CASK: variants seen among roughly 807,000 people sequenced by gnomAD.
CASK encodes calcium/calmodulin dependent serine protein kinase.
Under a neutral mutation model 82.9 loss-of-function variants are expected in CASK, and 4 were observed. That is an observed-to-expected ratio of 0.05 (90% CI 0.02 to 0.11). The LOEUF is 0.11. Among genes scored for constraint, CASK ranks in the 10% least tolerant of loss-of-function variants. The pLI is 1.00. For missense variants in CASK, 358 were observed against 720.9 expected (o/e 0.50, Z 5.76); for synonymous variants, 259 against 253.5 (o/e 1.02, Z -0.20).
chrX:41,805,873 C>T (rs758054058), intron 2 of CASK, among the ~76,000 whole-genome samples: 2 of 111,014 alleles, frequency 1.8e-5, no homozygotes, highest in African/African-American at 6.6e-5. Context: ...ACGGAGTGCC[C>T]CTAAGAGCCA....
At chrX:41,680,354 C>G (rs1461128527) in intron 5 of CASK, among the ~76,000 whole-genome samples, 1 of 109,546 alleles carries the variant, frequency 9.1e-6, no homozygotes, top group Non-Finnish European at 1.9e-5. Flanking sequence ...TGGTGGCATG[C>G]GCCTATAGTC....
intron 5 of CASK, among the ~76,000 whole-genome samples, chrX:41,711,312 T>C (rs1161601699): frequency 1.8e-5 from 2 of 112,376 alleles, no homozygotes; most frequent in African/African-American, 3.2e-5. Flanking sequence ...CCCACACATT[T>C]GGTCACAGAA....
chrX:41,854,078 A>G (rs1056065456), intron 1 of CASK, among the ~76,000 whole-genome samples: 3 of 112,018 alleles, frequency 2.7e-5, no homozygotes, highest in African/African-American at 9.8e-5. Flanking sequence ...ATTGTTTGAA[A>G]TTACTAGAGG....
intron 2 of CASK, among the ~76,000 whole-genome samples, chrX:41,838,950 T>C (rs925205032): frequency 9.0e-6 from 1 of 111,410 alleles, no homozygotes; most frequent in Non-Finnish European, 1.9e-5. Context: ...TCTCAAAAAC[T>C]ATTTGGCTGT....
At chrX:41,578,193 G>A (rs980141460) in intron 15 of CASK, 147 bp downstream of exon 15, 1 of 444,215 alleles carries the variant, frequency 2.3e-6, no homozygotes, top group Non-Finnish European at 3.9e-6. Flanking sequence ...AAGGGCAGGG[G>A]GGAACTGAAG....
chrX:41,616,158 G>A (rs556907854), intron 11 of CASK, among the ~76,000 whole-genome samples: 1 of 111,530 alleles, frequency 9.0e-6, no homozygotes, highest in Non-Finnish European at 1.9e-5. Context: ...TTACTTATGT[G>A]CGTGCTTGTT....
chrX:41,591,482 GT>G (rs373604467), intron 12 of CASK, among the ~76,000 whole-genome samples: 3,383 of 103,854 alleles, frequency 0.033, 75 homozygotes, highest in Admixed American at 0.085. Flanking sequence ...TGTGCACTTT[GT>G]TTTTTTTTTG....
At chrX:41,821,600 A>G (rs2070542764) in intron 2 of CASK, among the ~76,000 whole-genome samples, 1 of 112,547 alleles carries the variant, frequency 8.9e-6, no homozygotes, top group South Asian at 3.7e-4. Flanking sequence ...TCAAACATTC[A>G]AAGCGGCTTT....
At chrX:41,676,544 C>A in intron 5 of CASK, 1 of 1,051,580 alleles carries the variant, frequency 9.5e-7, no homozygotes, top group Non-Finnish European at 1.3e-6. Context: ...CGCGGCCTCG[C>A]CTGGGTCTAC....
chrX:41,870,984 G>A (rs769831776), intron 1 of CASK, among the ~76,000 whole-genome samples: 2 of 112,295 alleles, frequency 1.8e-5, no homozygotes, highest in Non-Finnish European at 3.8e-5. Context: ...GGTTGTTTGC[G>A]TAGGGTCTCA....
intron 3 of CASK, among the ~76,000 whole-genome samples, chrX:41,784,078 A>T (rs1033492532): frequency 1.8e-5 from 2 of 111,882 alleles, no homozygotes; most frequent in Admixed American, 1.9e-4. Context: ...CAATTTCCAT[A>T]TCTTCATTTT....
At chrX:41,674,154 C>T (rs1161801314) in intron 5 of CASK, among the ~76,000 whole-genome samples, 1 of 110,046 alleles carries the variant, frequency 9.1e-6, no homozygotes, top group African/African-American at 3.3e-5. Context: ...GGGAGATAAA[C>T]ACAATCTCAT....
At chrX:41,753,290 T>C (rs907486385) in intron 3 of CASK, among the ~76,000 whole-genome samples, 3 of 110,202 alleles carry the variant, frequency 2.7e-5, no homozygotes, top group Non-Finnish European at 3.8e-5. Context: ...ACTTTTGTCA[T>C]AGGAAATCAG....
chrX:41,903,780 G>T (rs1295037246), intron 1 of CASK, among the ~76,000 whole-genome samples: 4 of 111,815 alleles, frequency 3.6e-5, no homozygotes, highest in Admixed American at 9.5e-5. Flanking sequence ...TTCTAAATCT[G>T]CACTGTCTAC....
chrX:41,530,330 A>T (rs1317861523), intron 25 of CASK, among the ~76,000 whole-genome samples: 1 of 112,244 alleles, frequency 8.9e-6, no homozygotes, highest in Non-Finnish European at 1.9e-5. Flanking sequence ...TTTCAAGTTT[A>T]ATAATTCCTA....
intron 1 of CASK, among the ~76,000 whole-genome samples, chrX:41,901,879 G>T (rs1033179542): frequency 3.6e-5 from 4 of 111,983 alleles, no homozygotes; most frequent in African/African-American, 1.3e-4. Context: ...TAAGGGACTA[G>T]CCTGGTGCTA....
At chrX:41,539,538 A>G (rs2064920099) in intron 22 of CASK, among the ~76,000 whole-genome samples, 1 of 112,273 alleles carries the variant, frequency 8.9e-6, no homozygotes, top group African/African-American at 3.2e-5. Flanking sequence ...TCTGTGGCCC[A>G]TGAGCCCATC....
At chrX:41,873,779 T>C (rs937359325) in intron 1 of CASK, among the ~76,000 whole-genome samples, 80 of 108,411 alleles carry the variant, frequency 7.4e-4, no homozygotes, top group Non-Finnish European at 1.3e-3. Flanking sequence ...GCAGTTTTTG[T>C]TGTTCCTTTT....
chrX:41,641,747 T>C (rs191716382), intron 8 of CASK, among the ~76,000 whole-genome samples: 58 of 111,672 alleles, frequency 5.2e-4, no homozygotes, highest in Non-Finnish European at 9.4e-4. Flanking sequence ...TTTCATGTTA[T>C]AGTTTTTTTT....
Sources: allele counts gnomAD v4.1 joint callset (sites outside exome capture counted in the v4.1 genomes callset), GRCh38; gene constraint gnomAD v4.1.1; transcripts MANE v1.5; gene names NCBI Gene and HGNC (gene_info 2026-07-23, HGNC 2026-07-21).